The following TUSC3 variants were observed in gnomAD, a reference collection of about 807,000 sequenced individuals.
TUSC3 encodes tumor suppressor candidate 3.
In TUSC3, 45 loss-of-function variants were observed where a neutral mutation model predicts 44.8. The observed-to-expected ratio is 1.00, with a 90% CI of 0.79 to 1.29. The LOEUF is 1.29. Among genes scored for constraint, TUSC3 ranks in the 50% most tolerant of loss-of-function variants. The pLI is 0.00. For missense variants in TUSC3, 519 were observed against 437.9 expected (o/e 1.19, Z -1.65); for synonymous variants, 212 against 152.9 (o/e 1.39, Z -2.85).
intron 1 of TUSC3, among the ~76,000 whole-genome samples, chr8:15,562,356 C>G (rs1802508781): frequency 6.6e-6 from 1 of 152,158 alleles, no homozygotes; most frequent in African/African-American, 2.4e-5. Flanking sequence ...TTCCATCCGT[C>G]TTATCTCCTC....
chr8:15,530,726 C>T (rs1801438796), intron 2 of TUSC3, among the ~76,000 whole-genome samples: 1 of 152,196 alleles, frequency 6.6e-6, no homozygotes, highest in Non-Finnish European at 1.5e-5. Context: ...CATAATAACA[C>T]TAGCACATAT....
chr8:15,764,841 C>T lies in TUSC3; in HGVS notation c.*685C>T, dbSNP rs138071462. ...CTTCAAAGGCATCAGACGATGAAAG[C>T]AACATACCACAACTAGGAGTTATTT... On this transcript the variant is annotated 3_prime_UTR_variant, in exon 11 of 11. Transcript: ENST00000503731. The T allele has an allele frequency of 6.6e-6, 1 of 152,038 alleles. No homozygotes were observed. Among genetic ancestry groups the T allele is most frequent in the African/African-American group, 2.4e-5 (1 of 41,408 alleles). 9.4% of individuals were successfully genotyped at this position (152,038 alleles called of 1,614,324 possible). A position where few individuals can be genotyped will look rare whatever the true frequency, so the allele number is the denominator to read the frequency against.
intron 2 of TUSC3, among the ~76,000 whole-genome samples, chr8:15,500,687 C>A (rs1017848001): frequency 6.6e-6 from 1 of 152,100 alleles, no homozygotes; most frequent in Non-Finnish European, 1.5e-5. Context: ...GTAAAAACAG[C>A]AAATCATTTA....
intron 1 of TUSC3, among the ~76,000 whole-genome samples, chr8:15,592,837 T>A (rs1803908391): frequency 6.6e-6 from 1 of 152,128 alleles, no homozygotes; most frequent in South Asian, 2.1e-4. Context: ...TAATCCTCAT[T>A]TTAAAGATGA....
At chr8:15,518,246 C>G (rs963317704) in intron 2 of TUSC3, among the ~76,000 whole-genome samples, 2 of 152,088 alleles carry the variant, frequency 1.3e-5, no homozygotes, top group African/African-American at 2.4e-5. Context: ...TACCTTTTCT[C>G]ATGTAAAATA....
chr8:15,692,385 T>G (rs1342060565), intron 6 of TUSC3, among the ~76,000 whole-genome samples: 55 of 142,210 alleles, frequency 3.9e-4, no homozygotes, highest in Admixed American at 1.6e-3. Flanking sequence ...GTTTTTTTTT[T>G]TTTTTTTTTT....
At chr8:15,434,954 G>C (rs866482176) in intron 1 of TUSC3, among the ~76,000 whole-genome samples, 9 of 150,246 alleles carry the variant, frequency 6.0e-5, no homozygotes, top group Admixed American at 5.9e-4. Context: ...ATTTGGGTTG[G>C]TTCCAAGTCT....
the TUSC3 span, among the ~76,000 whole-genome samples, chr8:15,789,683 A>T: frequency 6.6e-6 from 1 of 152,336 alleles, no homozygotes; most frequent in South Asian, 2.1e-4. Context: ...ATTGCAATGA[A>T]CAAAACTTAA....
chr8:15,672,802 T>G (rs533484481), intron 5 of TUSC3, among the ~76,000 whole-genome samples: 1 of 152,086 alleles, frequency 6.6e-6, no homozygotes, highest in Non-Finnish European at 1.5e-5. Context: ...TTTAAAAAAT[T>G]GTGCAAACTA....
At chr8:15,708,767 G>C (rs556002477) in intron 6 of TUSC3, among the ~76,000 whole-genome samples, 69 of 151,950 alleles carry the variant, frequency 4.5e-4, no homozygotes, top group Non-Finnish European at 7.5e-4. Flanking sequence ...TCTATTTCAA[G>C]ATCTTTACAA....
chr8:15,638,803 G>A (rs944835532), intron 2 of TUSC3, among the ~76,000 whole-genome samples: 10 of 152,212 alleles, frequency 6.6e-5, no homozygotes, highest in Non-Finnish European at 1.2e-4. Context: ...TGGGATTACA[G>A]GCTTGAGCCA....
intron 1 of TUSC3, among the ~76,000 whole-genome samples, chr8:15,593,354 G>C (rs1803933940): frequency 6.6e-6 from 1 of 152,144 alleles, no homozygotes; most frequent in Admixed American, 6.5e-5. Flanking sequence ...CCAAAGTGCT[G>C]GGATTACAGG....
intron 6 of TUSC3, among the ~76,000 whole-genome samples, chr8:15,719,201 C>G (rs1160786361): frequency 3.3e-5 from 5 of 152,060 alleles, no homozygotes; most frequent in African/African-American, 1.2e-4. Context: ...ACATCTAAGT[C>G]TTCACCAGCA....
chr8:15,449,272 G>A (rs1800161616), intron 1 of TUSC3, among the ~76,000 whole-genome samples: 1 of 152,144 alleles, frequency 6.6e-6, no homozygotes, highest in Non-Finnish European at 1.5e-5. Context: ...GAAGGAATGG[G>A]CACATGTGCA....
intron 2 of TUSC3, among the ~76,000 whole-genome samples, chr8:15,627,158 A>G (rs1360425935): frequency 1.3e-5 from 2 of 152,142 alleles, no homozygotes; most frequent in African/African-American, 4.8e-5. Context: ...CTGCAGAGAG[A>G]AGCTGCCCAC....
chr8:15,432,188 C>G (rs117944360), intron 1 of TUSC3, among the ~76,000 whole-genome samples: 1 of 152,042 alleles, frequency 6.6e-6, no homozygotes, highest in Non-Finnish European at 1.5e-5. Flanking sequence ...GTGTGGCATT[C>G]ATTCTTCTAT....
intron 1 of TUSC3, among the ~76,000 whole-genome samples, chr8:15,551,843 GT>G (rs1297821619): frequency 6.6e-6 from 1 of 151,700 alleles, no homozygotes; most frequent in Non-Finnish European, 1.5e-5. Context: ...TCCTTCAAAA[GT>G]TACTTCTGTT....
intron 1 of TUSC3, among the ~76,000 whole-genome samples, chr8:15,554,822 GTGTCGAT>G (rs1563287018): frequency 6.6e-6 from 1 of 150,842 alleles, no homozygotes; most frequent in Non-Finnish European, 1.5e-5. Context: ...AGCCAGGATG[GTGTCGAT>G]CTCCTGACCT....
chr8:15,845,448 AATTAC>A, the TUSC3 span, among the ~76,000 whole-genome samples: 1 of 152,174 alleles, frequency 6.6e-6, no homozygotes, highest in Non-Finnish European at 1.5e-5. Flanking sequence ...AGAGTGACCA[AATTAC>A]ATTAGATTAT....
Sources: gnomAD v4.1 joint callset for allele counts (sites outside exome capture counted in the v4.1 genomes callset) on GRCh38, gnomAD v4.1.1 for gene constraint, MANE v1.5 for transcripts, NCBI Gene and HGNC (gene_info 2026-07-23, HGNC 2026-07-21) for gene names.